Variants in HPS3 observed in about 807,000 individuals in gnomAD.
HPS3 encodes BLOC-2 complex member HPS3.
Under a neutral mutation model 110.9 loss-of-function variants are expected in HPS3, and 79 were observed. That is an observed-to-expected ratio of 0.71 (90% CI 0.59 to 0.86). The LOEUF (loss-of-function observed/expected upper bound fraction) is 0.86, where lower values mean the gene tolerates loss of function less well. HPS3 is among the 40% of genes least tolerant of loss of function. The pLI is 0.00. For synonymous variants in HPS3, 428 were observed against 451.0 expected (o/e 0.95, Z 0.65); for missense variants, 1,197 against 1,206.2 (o/e 0.99, Z 0.11).
rs550470786 is a variant in HPS3, at chr3:149,155,643, T to C, written c.1509+428T>C. ...CACCACAGCTACTGCAGCATTGTCCTGGGGGGAGGGACCCAGAGGGAGCAT... is the reference window on the plus strand; with the variant it reads ...CACCACAGCTACTGCAGCATTGTCCCGGGGGGAGGGACCCAGAGGGAGCAT... On this transcript the variant is annotated intron_variant, in intron 8 of 16. Transcript: ENST00000296051. 6.4e-4 allele frequency among the ~76,000 whole-genome samples: 98 copies of C among 152,262 alleles called. 1 individual carries two copies. The highest frequency in any genetic ancestry group is 1.3e-3 in the Non-Finnish European group (86 of 68,010).
chr3:149,132,555 T>A (rs190717563), intron 1 of HPS3, among the ~76,000 whole-genome samples: 1 of 152,236 alleles, frequency 6.6e-6, no homozygotes, highest in African/African-American at 2.4e-5. Flanking sequence ...ACAATGCACC[T>A]AGTCCCTCAA....
Position 149,129,802 on chromosome 3 carries a change from G to A in HPS3, c.79G>A (p.Gly27Ser). Reference sequence around the variant, plus strand: ...CAAGCTGGAGCCGGACCGGTTCTGTGGCGGGGGGCGTGACGCGCTTTTCGT... The same window carrying A: ...CAAGCTGGAGCCGGACCGGTTCTGTAGCGGGGGGCGTGACGCGCTTTTCGT... Reference protein sequence around the residue: ...PCKLEPDRFCGGGRDALFVAA... With the variant: ...PCKLEPDRFCSGGRDALFVAA... The change falls in exon 1 of 17, where the codon GGC (glycine) becomes AGC (serine). Residue 27 changes from glycine (G) to serine (S), a missense_variant. By Grantham distance (56) the Gly-to-Ser change is moderately conservative. Coordinates refer to ENST00000296051, the MANE Select transcript of HPS3 (RefSeq NM_032383.5). 2.5e-6 allele frequency: 4 copies of A among 1,607,136 alleles called. No homozygotes were observed. The highest frequency in any genetic ancestry group is 2.2e-5 in the East Asian group (1 of 44,830).
At chr3:149,152,291 A>G (rs551462637) in intron 6 of HPS3, among the ~76,000 whole-genome samples, 1 of 152,266 alleles carries the variant, frequency 6.6e-6, no homozygotes, top group South Asian at 2.1e-4. Flanking sequence ...AGGCTTATAT[A>G]GGGGTGATGG....
rs1163590678 is a variant in HPS3, at chr3:149,140,241, G to C, written c.455G>C (p.Cys152Ser). 6.2e-7 allele frequency: 1 copy of C among 1,614,166 alleles called. No homozygotes were observed. Among genetic ancestry groups the C allele is most frequent in the Admixed American group, 1.7e-5 (1 of 60,028 alleles). The change falls in exon 2 of 17, where the codon TGC (cysteine) becomes TCC (serine). Residue 152 changes from cysteine to serine, a missense_variant. Transcript: ENST00000296051. ...CPVKGDLLVG[C>S]TNKLVLFSLK... is the part of the protein sequence containing the mutation. ...GTGAAAGGAGACCTTCTCGTTGGCT[G>C]CACAAATAAATTAGTCTTATTTAGT...
At chr3:149,153,881 C>T (rs1052192780) in intron 7 of HPS3, 11 of 559,286 alleles carry the variant, frequency 2.0e-5, no homozygotes, top group Admixed American at 3.2e-5. Flanking sequence ...CAGTAAAAAT[C>T]AAAGGTGTTT....
rs866769733 is a variant in HPS3, at chr3:149,162,714, AC to A, written c.2318del (p.Thr773LysfsTer7). ...FKVLCAKDED[T>X]IPQLLVDFWE... is the part of the protein sequence containing the mutation. ...GGTGCTTTGTGCTAAGGATGAAGAT[AC>A]AATTCCTCAGCTCTTGGTAGACTTT... On this transcript the variant is annotated frameshift_variant, in exon 13 of 17. Coordinates refer to ENST00000296051, the MANE Select transcript of HPS3 (RefSeq NM_032383.5). LOFTEE classifies it high-confidence loss of function. The A allele has an allele frequency of 2.5e-6, 4 of 1,613,934 alleles. No individual in the cohort carries two copies. Among genetic ancestry groups the A allele is most frequent in the African/African-American group, 2.7e-5 (2 of 74,906 alleles).
In HPS3 at chr3:149,167,250, T is replaced by C; in HGVS notation, c.2796+10T>C. Reference sequence around the variant, plus strand: ...GAAAGAAGAGAACCGGGTATGCTTTTTCAGATTATGTTTTTAGGCTTGATC... The same window carrying C: ...GAAAGAAGAGAACCGGGTATGCTTTCTCAGATTATGTTTTTAGGCTTGATC... On this transcript the variant is annotated intron_variant, in intron 15 of 16. Transcript: ENST00000296051. 1.2e-6 allele frequency: 2 copies of C among 1,603,704 alleles called. No homozygotes were observed. Among genetic ancestry groups the C allele is most frequent in the Non-Finnish European group, 1.7e-6 (2 of 1,173,092 alleles).
At position 149,167,992 on chromosome 3, in the gene HPS3, A is replaced by AT. The variant is rs397710976; in HGVS notation, c.2887+19dup. On this transcript the variant is annotated intron_variant, in intron 16 of 16. Transcript: ENST00000296051. ...CCTGTCATCATTAAAAGGTAAAATGATTTTTTTTTTGCTTGATTATAAACT... is the reference window on the plus strand; with the variant it reads ...CCTGTCATCATTAAAAGGTAAAATGATTTTTTTTTTTGCTTGATTATAAACT... 0.28 allele frequency: 361,516 copies of AT among 1,285,904 alleles called. 37,192 individuals are homozygous for AT. Among genetic ancestry groups the AT allele is most frequent in the African/African-American group, 0.57 (37,101 of 64,558 alleles). The allele number at this position is 1,285,904 out of a possible 1,614,324, so 79.7% of individuals were successfully genotyped here.
At position 149,145,390 on chromosome 3, in the gene HPS3, A is replaced by G. The variant is rs1418479099; in HGVS notation, c.1007A>G (p.Glu336Gly). The change falls in exon 5 of 17, where the codon GAA (glutamate) becomes GGA (glycine). Residue 336 changes from glutamate to glycine, a missense_variant. Coordinates refer to ENST00000296051, the MANE Select transcript of HPS3 (RefSeq NM_032383.5). Reference sequence around the variant, plus strand: ...TCTGATGGAAAAAATTTGTCTCAGGAAAAAGAATTGCTGAGTCTCTTTTGC... The same window carrying G: ...TCTGATGGAAAAAATTTGTCTCAGGGAAAAGAATTGCTGAGTCTCTTTTGC... ...LTSDGKNLSQ[E>G]KELLSLFCFF... The G allele has an allele frequency of 1.2e-6, 2 of 1,613,706 alleles. No homozygotes were observed. The highest frequency in any genetic ancestry group is 2.7e-5 in the African/African-American group (2 of 74,882).
rs1455925282 is a variant in HPS3 at position 149,145,397 on chromosome 3, A to G, written c.1014A>G (p.Glu338=). 4 of 1,613,966 alleles carry G rather than the reference A, an allele frequency of 2.5e-6. No homozygotes were observed. The highest frequency in any genetic ancestry group is 3.4e-6 in the Non-Finnish European group (4 of 1,179,982). The change falls in exon 5 of 17, where the codon GAA becomes GAG. Residue 338 remains glutamate (E), a synonymous_variant. Transcript: ENST00000296051. ...SDGKNLSQEK[E]LLSLFCFFSL... ...GAAAAAATTTGTCTCAGGAAAAAGA[A>G]TTGCTGAGTCTCTTTTGCTTTTTCT...
chr3:149,156,106 C>T (rs887917567), intron 8 of HPS3, among the ~76,000 whole-genome samples: 3 of 152,192 alleles, frequency 2.0e-5, no homozygotes, highest in African/African-American at 4.8e-5. Context: ...CCACAGTCAA[C>T]ATTTTACCCT....
At chr3:149,160,339 GT>G in intron 11 of HPS3, 60 bp downstream of exon 11, 1 of 1,089,934 alleles carries the variant, frequency 9.2e-7, no homozygotes, top group Non-Finnish European at 1.4e-6. Flanking sequence ...ATCCTGAAGT[GT>G]TTAGCTGTCT....
At chr3:149,129,979 G>C (rs1048968233) in intron 1 of HPS3, 39 bp downstream of exon 1, 6 of 1,510,022 alleles carry the variant, frequency 4.0e-6, no homozygotes, top group Non-Finnish European at 5.3e-6. Context: ...CTGGGGTCCA[G>C]CTTGAGGCCT....
chr3:149,147,387 GA>G (rs1722839584), intron 5 of HPS3, among the ~76,000 whole-genome samples: 1 of 152,104 alleles, frequency 6.6e-6, no homozygotes, highest in Non-Finnish European at 1.5e-5. Context: ...AGTTATTAAA[GA>G]ATTAAACTCT....
chr3:149,153,911 G>A (rs1348040705), intron 7 of HPS3: 1 of 472,484 alleles, frequency 2.1e-6, no homozygotes, highest in East Asian at 4.0e-5. Context: ...TAAAGGCCAT[G>A]CTTTTCTGTG....
intron 8 of HPS3, among the ~76,000 whole-genome samples, chr3:149,156,322 A>G (rs377683718): frequency 3.9e-5 from 6 of 152,178 alleles, no homozygotes; most frequent in African/African-American, 1.4e-4. Flanking sequence ...ACATTGACAC[A>G]GTGCTTTATC....
intron 1 of HPS3, among the ~76,000 whole-genome samples, chr3:149,133,684 G>A (rs757768308): frequency 1.1e-3 from 161 of 152,252 alleles, no homozygotes; most frequent in Non-Finnish European, 1.7e-3. Context: ...CATCAGCATC[G>A]GGGCAAGACC....
rs1723698967 is a variant in HPS3, at chr3:149,160,151, A to G, written c.1978A>G (p.Met660Val). 1.6e-5 allele frequency: 26 copies of G among 1,613,740 alleles called. No individual in the cohort carries two copies. Among genetic ancestry groups the G allele is most frequent in the Non-Finnish European group, 2.1e-5 (25 of 1,179,652 alleles). ...GAAGAATATTAATCCTTTAACTGCC[A>G]TGAGCTATCTAAGGAAGCTGGATAC... ...SMKNINPLTAMSYLRKLDTSG... is the reference protein window; with the variant it reads ...SMKNINPLTAVSYLRKLDTSG... The change falls in exon 11 of 17, where the codon ATG (methionine) becomes GTG (valine). Residue 660 changes from methionine (M) to valine (V), a missense_variant. Coordinates refer to ENST00000296051, the MANE Select transcript of HPS3 (RefSeq NM_032383.5).
At chr3:149,149,576 A>G (rs1049516723) in intron 5 of HPS3, among the ~76,000 whole-genome samples, 3 of 152,176 alleles carry the variant, frequency 2.0e-5, no homozygotes, top group African/African-American at 7.2e-5. Flanking sequence ...CCTAACTGAA[A>G]ATATCAGAAT....
Sources: allele counts gnomAD v4.1 joint callset (sites outside exome capture counted in the v4.1 genomes callset), GRCh38; gene constraint gnomAD v4.1.1; transcripts MANE v1.5; gene names NCBI Gene and HGNC (gene_info 2026-07-23, HGNC 2026-07-21).